Variants in PDE2A observed in about 807,000 individuals in gnomAD.
PDE2A encodes the protein cGMP-dependent 3',5'-cyclic phosphodiesterase.
Under a neutral mutation model 133.6 loss-of-function variants are expected in PDE2A, and 53 were observed. The ratio of observed to expected loss-of-function variants is 0.40; its 90% CI spans 0.32 to 0.50. The LOEUF is 0.50. PDE2A is among the 20% of genes least tolerant of loss of function. PDE2A has a pLI of 0.73. For synonymous variants in PDE2A, 491 were observed against 490.2 expected (o/e 1.00, Z -0.02); for missense variants, 796 against 1,232.4 (o/e 0.65, Z 5.30).
chr11:72,591,213 G>T, intron 7 of PDE2A, 84 bp downstream of exon 7: 2 of 1,173,910 alleles, frequency 1.7e-6, no homozygotes, highest in Non-Finnish European at 1.3e-6. Context: ...ACCCAGGTCT[G>T]TCCAGCTCCC....
rs751304575 is a variant in PDE2A at position 72,578,255 on chromosome 11, G to A, written c.2593C>T (p.His865Tyr). Reference protein sequence around the residue: ...IPELQISFMEHIAMPIYKLLQ... With the variant: ...IPELQISFMEYIAMPIYKLLQ... Reference sequence around the variant, plus strand: ...CACTTGTAGATGGGCATTGCAATGTGCTCCATGAAGCTGATTTGCAGCTCA... The same window carrying A: ...CACTTGTAGATGGGCATTGCAATGTACTCCATGAAGCTGATTTGCAGCTCA... Residue 865 changes from histidine (H) to tyrosine (Y), a missense_variant, in exon 30 of 31, where the codon CAC becomes TAC. By Grantham distance (83) the His-to-Tyr change is moderately conservative. Coordinates refer to ENST00000334456, the MANE Select transcript of PDE2A (RefSeq NM_002599.5). The surrounding 1 kb of genome is among the most constrained non-coding windows in gnomAD (Gnocchi z 4.2). 6.2e-7 allele frequency: 1 copy of A among 1,609,688 alleles called. No individual in the cohort carries two copies. Among genetic ancestry groups the A allele is most frequent in the Admixed American group, 1.7e-5 (1 of 60,018 alleles).
intron 19 of PDE2A, among the ~76,000 whole-genome samples, 168 bp downstream of exon 19, chr11:72,584,033 C>G (rs1591017939): frequency 6.6e-6 from 1 of 152,346 alleles, no homozygotes; most frequent in South Asian, 2.1e-4. Context: ...GGAAACTGAG[C>G]CCAGAGGTGG....
intron 17 of PDE2A, 54 bp from the exon 18 acceptor site, chr11:72,584,782 G>C: frequency 1.2e-6 from 2 of 1,610,792 alleles, no homozygotes. Flanking sequence ...CGGCCACAGA[G>C]GGGACTGTTA....
At chr11:72,598,745 G>A (rs1301724544) in intron 4 of PDE2A, 5 of 1,236,854 alleles carry the variant, frequency 4.0e-6, no homozygotes, top group Non-Finnish European at 5.2e-6. Context: ...GACAAATCGA[G>A]GACCAAAGAG....
chr11:72,605,263 G>C (rs1591057713), intron 3 of PDE2A, 37 bp from the exon 4 acceptor site: 2 of 1,375,574 alleles, frequency 1.5e-6, no homozygotes, highest in Non-Finnish European at 2.0e-6. Flanking sequence ...CTGTGGAGAG[G>C]CCCTCCCAGC....
intron 1 of PDE2A, among the ~76,000 whole-genome samples, chr11:72,660,425 A>G (rs1309292572): frequency 6.6e-6 from 1 of 152,190 alleles, no homozygotes; most frequent in Non-Finnish European, 1.5e-5. Context: ...GCCAGTTAGC[A>G]AGGACTCACT....
chr11:72,579,507 TCCCCACCCCAC>T lies in PDE2A; in HGVS notation c.2256+16_2256+26del. 1 of 1,354,158 alleles carries T rather than the reference TCCCCACCCCAC, an allele frequency of 7.4e-7. No individual in the cohort carries two copies. Among genetic ancestry groups the T allele is most frequent in the Non-Finnish European group, 1.0e-6 (1 of 958,488 alleles). 83.9% of individuals were successfully genotyped at this position (1,354,158 alleles called of 1,614,324 possible). ...CAGCCAGCTCCCAGCTCCCCCTCAA[TCCCCACCCCAC>T]CCCCAACCCCATCACCTTCCGGGAG... On this transcript the variant is annotated intron_variant, in intron 26 of 30. Transcript: ENST00000334456.
At chr11:72,609,943 T>A (rs1482422219) in intron 2 of PDE2A, among the ~76,000 whole-genome samples, 1 of 149,726 alleles carries the variant, frequency 6.7e-6, no homozygotes, top group African/African-American at 2.4e-5. Context: ...GCAGGCCATA[T>A]TAATAGAGGT....
At chr11:72,650,019 CT>C (rs746774086) in intron 1 of PDE2A, among the ~76,000 whole-genome samples, 23,289 of 129,110 alleles carry the variant, frequency 0.18, 2,270 homozygotes, top group African/African-American at 0.26. Flanking sequence ...AGCCCTGAGA[CT>C]TTTTTTTTTT....
rs1591053914 is a variant in PDE2A, at chr11:72,602,867, T to C, written c.323+2271A>G. ...CTCGTCCATACACCTGGGTCTCAAG[T>C]CCCCATCCTGCTGGGAGCTCCTGAG... On this transcript the variant is annotated intron_variant, in intron 4 of 30. Coordinates refer to ENST00000334456, the MANE Select transcript of PDE2A (RefSeq NM_002599.5). 2.0e-5 allele frequency among the ~76,000 whole-genome samples: 3 copies of C among 152,240 alleles called. No individual in the cohort carries two copies. In the East Asian group the frequency reaches 5.8e-4, roughly 29 times the overall value.
intron 1 of PDE2A, among the ~76,000 whole-genome samples, chr11:72,656,764 C>T (rs1377726416): frequency 1.3e-5 from 2 of 152,048 alleles, no homozygotes; most frequent in Non-Finnish European, 2.9e-5. Flanking sequence ...TCCAGCAGGA[C>T]CCAAGCAGAG....
At position 72,608,748 on chromosome 11, in the gene PDE2A, C is replaced by G; in HGVS notation, c.148G>C (p.Ala50Pro). The G allele has an allele frequency of 6.5e-7, 1 of 1,549,034 alleles. No homozygotes were observed. The highest frequency in any genetic ancestry group is 8.8e-7 in the Non-Finnish European group (1 of 1,138,780). The change falls in exon 3 of 31, where the codon GCC (alanine) becomes CCC (proline). Residue 50 changes from alanine (A) to proline (P), a missense_variant. This residue lies in a region of PDE2A where 417 missense variants were observed against 475.3 expected (regional missense o/e 0.88). Transcript: ENST00000334456. ...ATGACAGAGCCCAGACTCAGCAAGG[C>G]GTCCTGGAAGAGAGGAGAGGGCAGT... ...PQPCADSLQD[A>P]LLSLGSVIDI...
rs775872849 is a variant in PDE2A, at chr11:72,606,755, G to T, written c.235-1529C>A. Among the ~76,000 whole-genome samples, 2 of 152,172 alleles carry T rather than the reference G, an allele frequency of 1.3e-5. 1 individual carries two copies. The highest frequency in any genetic ancestry group is 2.9e-5 in the Non-Finnish European group (2 of 68,020). ...CAAAGAGGTTAAGAGACCAGCCGGG[G>T]TTACACAGAAAGTCCTGCCCAGGCA... On this transcript the variant is annotated intron_variant, in intron 3 of 30. Coordinates refer to ENST00000334456, the MANE Select transcript of PDE2A (RefSeq NM_002599.5).
At chr11:72,659,179 CA>C (rs1333641355) in intron 1 of PDE2A, among the ~76,000 whole-genome samples, 1 of 151,226 alleles carries the variant, frequency 6.6e-6, no homozygotes, top group Non-Finnish European at 1.5e-5. Flanking sequence ...GTCTGACTCC[CA>C]AGTCTCATTC....
At chr11:72,605,091 A>G in intron 4 of PDE2A, 47 bp downstream of exon 4, 1 of 1,252,920 alleles carries the variant, frequency 8.0e-7, no homozygotes, top group Non-Finnish European at 1.2e-6. Context: ...AGCCCTGAGA[A>G]TCCTTGGCCA....
At chr11:72,601,112 G>A (rs575165028) in intron 4 of PDE2A, among the ~76,000 whole-genome samples, 255 of 130,938 alleles carry the variant, frequency 1.9e-3, no homozygotes, top group African/African-American at 7.3e-3. Context: ...ATCCTCCCAC[G>A]GAACCCCATC....
At chr11:72,674,067 G>A (rs1370385236) in intron 1 of PDE2A, 70 bp downstream of exon 1, 1 of 1,489,344 alleles carries the variant, frequency 6.7e-7, no homozygotes. Context: ...GCTCCTTGGA[G>A]GGACTCCCAG....
At chr11:72,633,938 C>G (rs1035076140) in intron 2 of PDE2A, among the ~76,000 whole-genome samples, 2 of 152,202 alleles carry the variant, frequency 1.3e-5, no homozygotes, top group African/African-American at 4.8e-5. Flanking sequence ...GAAGGGAGCA[C>G]AGCACTGGGC....
chr11:72,588,239 C>A (rs1856067356), intron 13 of PDE2A, among the ~76,000 whole-genome samples: 1 of 152,194 alleles, frequency 6.6e-6, no homozygotes, highest in Non-Finnish European at 1.5e-5. Context: ...ATTTATGACA[C>A]CATTTCTAGA....
Sources: allele counts gnomAD v4.1 joint callset (sites outside exome capture counted in the v4.1 genomes callset), GRCh38; gene constraint gnomAD v4.1.1; regional missense constraint gnomAD v4.1.1; non-coding constraint Gnocchi (gnomAD v3.1); transcripts MANE v1.5; gene names NCBI Gene and HGNC (gene_info 2026-07-23, HGNC 2026-07-21).